ERICH1: variants seen among roughly 807,000 people sequenced by gnomAD.
ERICH1 encodes glutamate rich 1.
ERICH1 carries 56 observed loss-of-function variants against 39.6 expected under a neutral mutation model. The ratio of observed to expected loss-of-function variants is 1.41; its 90% CI spans 1.14 to 1.77. The LOEUF (loss-of-function observed/expected upper bound fraction) is 1.77, where lower values mean the gene tolerates loss of function less well. Among genes scored for constraint, ERICH1 ranks in the 40% most tolerant of loss-of-function variants. ERICH1 has a pLI of 0.00. For missense variants in ERICH1, 826 were observed against 575.4 expected (o/e 1.44, Z -4.45); for synonymous variants, 313 against 223.6 (o/e 1.40, Z -3.57).
chr8:687,788 G>A (rs1231182575), intron 3 of ERICH1, among the ~76,000 whole-genome samples: 10 of 152,150 alleles, frequency 6.6e-5, no homozygotes, highest in Non-Finnish European at 1.5e-4. Flanking sequence ...GTAGTAGGTG[G>A]AATACGGGGC....
At chr8:720,684 G>A (rs760708268) in intron 1 of ERICH1, among the ~76,000 whole-genome samples, 9 of 152,150 alleles carry the variant, frequency 5.9e-5, no homozygotes, top group Non-Finnish European at 8.8e-5. Flanking sequence ...GAGCACGGTC[G>A]TCAAAATAAA....
At chr8:628,505 G>A (rs931606699) in intron 3 of ERICH1, among the ~76,000 whole-genome samples, 4 of 152,310 alleles carry the variant, frequency 2.6e-5, no homozygotes, top group East Asian at 1.9e-4. Flanking sequence ...GGCAGCTGGC[G>A]ACCTTGGCCA....
chr8:622,551 A>G lies in ERICH1; in HGVS notation c.977-7267T>C, dbSNP rs564700192. Among the ~76,000 whole-genome samples the G allele has an allele frequency of 3.9e-5, 6 of 152,288 alleles. No homozygotes were observed. In the South Asian group the frequency reaches 1.2e-3, roughly 32 times the overall value. The stretch of plus-strand genomic sequence containing the variant: ...TCCAGCCTCCAGAACTGTGACCAAT[A>G]AATTCTGCTGTTTATAAAGCACCCA... On this transcript the variant is annotated intron_variant, in intron 3 of 3. Transcript: ENST00000522706.
chr8:721,858 A>G (rs1817401904), intron 1 of ERICH1, among the ~76,000 whole-genome samples: 1 of 152,212 alleles, frequency 6.6e-6, no homozygotes, highest in African/African-American at 2.4e-5. Flanking sequence ...GTTTTTACCT[A>G]AGTGTGTGTA....
intron 2 of ERICH1, among the ~76,000 whole-genome samples, chr8:705,320 T>C (rs370664792): frequency 2.6e-4 from 39 of 152,376 alleles, no homozygotes; most frequent in African/African-American, 8.9e-4. Context: ...CAACGGACAC[T>C]GCGCGATGGC....
chr8:699,102 G>A (rs1408971551), intron 2 of ERICH1, among the ~76,000 whole-genome samples: 1 of 151,910 alleles, frequency 6.6e-6, no homozygotes, highest in African/African-American at 2.4e-5. Context: ...GCAACACAGG[G>A]AAACCCTGTC....
At chr8:721,576 G>C (rs1817319591) in intron 1 of ERICH1, among the ~76,000 whole-genome samples, 1 of 152,190 alleles carries the variant, frequency 6.6e-6, no homozygotes, top group Admixed American at 6.5e-5. Flanking sequence ...AGCTGTTTTA[G>C]ACCAAAACCA....
intron 4 of ERICH1, among the ~76,000 whole-genome samples, chr8:670,364 CTG>C (rs1803023079): frequency 6.6e-6 from 1 of 152,114 alleles, no homozygotes; most frequent in African/African-American, 2.4e-5. Flanking sequence ...TGCTGTGGTC[CTG>C]TCTCGTGGCA....
intron 3 of ERICH1, among the ~76,000 whole-genome samples, chr8:643,353 C>T (rs936861508): frequency 1.3e-5 from 2 of 152,186 alleles, no homozygotes; most frequent in Non-Finnish European, 2.9e-5. Flanking sequence ...GGGGGACCAA[C>T]CAGAGGGAAA....
chr8:645,508 C>T lies in ERICH1; in HGVS notation c.976+23090G>A, dbSNP rs561628761. Among the ~76,000 whole-genome samples the T allele has an allele frequency of 7.6e-5, 2 of 26,212 alleles. 1 individual carries two copies. Among genetic ancestry groups the T allele is most frequent in the Admixed American group, 7.0e-4 (2 of 2,844 alleles). 17.2% of individuals were successfully genotyped at this position (26,212 alleles called of 152,430 possible). A position where few individuals can be genotyped will look rare whatever the true frequency, so the allele number is the denominator to read the frequency against. On this transcript the variant is annotated intron_variant, in intron 3 of 3. Coordinates refer to the ERICH1 transcript ENST00000522706. ...AGTCGTGTTTTCCTTACTGTCCCCCCCAAACCTCATCTTTCTTCTGAAGGA... is the reference window on the plus strand; with the variant it reads ...AGTCGTGTTTTCCTTACTGTCCCCCTCAAACCTCATCTTTCTTCTGAAGGA...
chr8:678,622 A>C, intron 3 of ERICH1, among the ~76,000 whole-genome samples: 1 of 152,182 alleles, frequency 6.6e-6, no homozygotes, highest in Non-Finnish European at 1.5e-5. Context: ...ATCCTGGCTA[A>C]CACGGTGAAA....
chr8:683,112 C>T (rs1409033560), intron 3 of ERICH1, among the ~76,000 whole-genome samples: 2 of 152,182 alleles, frequency 1.3e-5, no homozygotes, highest in African/African-American at 2.4e-5. Flanking sequence ...GTCTCACAGA[C>T]GCGGACACTC....
chr8:657,019 A>C (rs1381783012), intron 3 of ERICH1, among the ~76,000 whole-genome samples: 1 of 152,272 alleles, frequency 6.6e-6, no homozygotes, highest in Non-Finnish European at 1.5e-5. Context: ...ATTGGGGAAG[A>C]GGGGAGTAAG....
intron 2 of ERICH1, among the ~76,000 whole-genome samples, chr8:702,600 A>G (rs1418668245): frequency 6.6e-6 from 1 of 152,244 alleles, no homozygotes; most frequent in Non-Finnish European, 1.5e-5. Flanking sequence ...TCAAAAGCTA[A>G]ACATGAAAGA....
intron 3 of ERICH1, among the ~76,000 whole-genome samples, chr8:633,998 C>T (rs1798219885): frequency 2.0e-5 from 3 of 152,168 alleles, no homozygotes; most frequent in Middle Eastern, 3.4e-3. Context: ...CACCAAAGGC[C>T]CAGGCGACAA....
intron 2 of ERICH1, among the ~76,000 whole-genome samples, chr8:705,103 C>T (rs769804439): frequency 2.6e-5 from 4 of 152,228 alleles, no homozygotes; most frequent in Admixed American, 6.5e-5. Flanking sequence ...AGAAACAGAT[C>T]GTGTGAAGTG....
At chr8:626,680 G>A in intron 3 of ERICH1, 1 of 163,358 alleles carries the variant, frequency 6.1e-6, no homozygotes, top group East Asian at 1.6e-4. Flanking sequence ...TGCCCAGAGG[G>A]TGGCCTGCCT....
Position 673,745 on chromosome 8 carries a change from C to T in ERICH1, c.607G>A (p.Gly203Arg). The T allele has an allele frequency of 6.2e-7, 1 of 1,613,382 alleles. No homozygotes were observed. ...EDSSNEGEGV[G>R]EACEEDGVDT... is the part of the protein sequence containing the mutation. ...ACACCATCCTCCTCACAAGCCTCTC[C>T]CACGCCTTCCCCTTCATTGCTGCTG... is the stretch of plus-strand genomic sequence containing the variant. The change falls in exon 4 of 6, where the codon GGA (glycine) becomes AGA (arginine). Residue 203 changes from glycine to arginine, a missense_variant. Gly to Arg is a moderately radical substitution (Grantham distance 125). Coordinates refer to ENST00000262109, the MANE Select transcript of ERICH1 (RefSeq NM_207332.3).
At chr8:650,368 T>C (rs1206909504) in intron 3 of ERICH1, among the ~76,000 whole-genome samples, 1 of 152,192 alleles carries the variant, frequency 6.6e-6, no homozygotes, top group Non-Finnish European at 1.5e-5. Flanking sequence ...CTTTCCTTTT[T>C]CCTGCCCTGG....
Sources: gnomAD v4.1 joint callset for allele counts (sites outside exome capture counted in the v4.1 genomes callset) on GRCh38, gnomAD v4.1.1 for gene constraint, MANE v1.5 for transcripts, NCBI Gene and HGNC (gene_info 2026-07-23, HGNC 2026-07-21) for gene names.